The following SERPINE2 variants were observed in gnomAD, a reference collection of about 807,000 sequenced individuals.
SERPINE2 encodes the protein serpin family E member 2.
In SERPINE2, 14 loss-of-function variants were observed where a neutral mutation model predicts 36.3. That is an observed-to-expected ratio of 0.39 (90% confidence interval 0.25 to 0.60). The LOEUF (loss-of-function observed/expected upper bound fraction) is 0.60, where lower values mean the gene tolerates loss of function less well. Among genes scored for constraint, SERPINE2 ranks in the 20% least tolerant of loss-of-function variants. The pLI is 0.57. For missense variants in SERPINE2, 418 were observed against 499.6 expected (o/e 0.84, Z 1.56); for synonymous variants, 192 against 191.8 (o/e 1.00, Z -0.01).
At position 223,991,810 on chromosome 2, in the gene SERPINE2, GAA is replaced by G; in HGVS notation, c.676_677del (p.Phe226ProfsTer10). On this transcript the variant is annotated frameshift_variant, in exon 4 of 9. Coordinates refer to ENST00000409304, the MANE Select transcript of SERPINE2 (RefSeq NM_001136528.2). LOFTEE classifies it high-confidence loss of function. ...CGCTGAGCATGAACTCACCACACCG[GAA>G]CACGGAGAGCTGGGCCAGCATTGGC... ...QVPMLAQLSV[F>X]RCGSTSAPND... 1.2e-6 allele frequency: 2 copies of G among 1,613,790 alleles called. No homozygotes were observed. Among genetic ancestry groups the G allele is most frequent in the Non-Finnish European group, 1.7e-6 (2 of 1,180,014 alleles).
At chr2:224,022,158 C>CAAAAAAAA (rs71058977) in intron 1 of SERPINE2, among the ~76,000 whole-genome samples, 1 of 72,600 alleles carries the variant, frequency 1.4e-5, no homozygotes, top group Non-Finnish European at 2.5e-5. Flanking sequence ...GACTCCTTCT[C>CAAAAAAAA]AAAAAAAAAA....
intron 1 of SERPINE2, chr2:224,038,690 C>T (rs1045921693): frequency 7.8e-6 from 5 of 643,914 alleles, no homozygotes; most frequent in Admixed American, 7.2e-5. Flanking sequence ...CAGCCTAAGT[C>T]CGGGGTAGGG....
chr2:223,998,532 A>T (rs1048221885), intron 2 of SERPINE2, among the ~76,000 whole-genome samples, 190 bp from the exon 3 acceptor site: 5 of 152,152 alleles, frequency 3.3e-5, no homozygotes, highest in African/African-American at 1.2e-4. Context: ...AACCTGGGTA[A>T]TATGACAAAA....
At chr2:224,011,495 C>T (rs1691622093) in intron 1 of SERPINE2, among the ~76,000 whole-genome samples, 1 of 152,084 alleles carries the variant, frequency 6.6e-6, no homozygotes, top group South Asian at 2.1e-4. Flanking sequence ...TATTATTTAT[C>T]AATCTATAAT....
intron 1 of SERPINE2, chr2:224,030,018 T>C (rs1692307753): frequency 1.0e-6 from 1 of 981,742 alleles, no homozygotes; most frequent in Middle Eastern, 5.3e-4. Flanking sequence ...TAGACATTTA[T>C]TCGTTATTCA....
intron 1 of SERPINE2, among the ~76,000 whole-genome samples, chr2:224,024,270 A>G (rs1251896032): frequency 1.3e-5 from 2 of 152,268 alleles, no homozygotes; most frequent in East Asian, 1.9e-4. Context: ...TCTCAAAAAA[A>G]TTTTGTAAAA....
rs184938817 is a variant in SERPINE2, at chr2:224,018,208, C to A, written c.-22-16286G>T. On this transcript the variant is annotated intron_variant, in intron 1 of 8. Coordinates refer to ENST00000409304, the MANE Select transcript of SERPINE2 (RefSeq NM_001136528.2). ...TGAGGAAATGGGCGTCAGGCTCTGG[C>A]GATTTTCCTTGTGTTCTTTCCAAGG... Among the ~76,000 whole-genome samples the A allele has an allele frequency of 2.6e-5, 4 of 152,236 alleles. No individual in the cohort carries two copies. In the East Asian group the frequency reaches 7.7e-4, roughly 29 times the overall value.
At chr2:223,993,989 G>T (rs1407923552) in intron 3 of SERPINE2, among the ~76,000 whole-genome samples, 3 of 152,168 alleles carry the variant, frequency 2.0e-5, no homozygotes, top group African/African-American at 7.2e-5. Context: ...AGTGAATGTT[G>T]TTTCTTGCCT....
At chr2:224,018,258 T>A (rs1449446650) in intron 1 of SERPINE2, among the ~76,000 whole-genome samples, 2 of 152,202 alleles carry the variant, frequency 1.3e-5, no homozygotes, top group Non-Finnish European at 2.9e-5. Flanking sequence ...AATAAGGAAG[T>A]GTTTTCCTAC....
At chr2:223,996,361 C>T (rs955496954) in intron 3 of SERPINE2, among the ~76,000 whole-genome samples, 2 of 152,190 alleles carry the variant, frequency 1.3e-5, no homozygotes, top group Non-Finnish European at 2.9e-5. Flanking sequence ...ACTGAACACC[C>T]TCATGTGTGC....
chr2:224,035,208 AG>A (rs1692493339), intron 1 of SERPINE2, among the ~76,000 whole-genome samples: 1 of 152,132 alleles, frequency 6.6e-6, no homozygotes, highest in Admixed American at 6.5e-5. Flanking sequence ...GTCTCAGCCT[AG>A]GGTCTCTAGC....
At position 223,975,800 on chromosome 2, in the gene SERPINE2, T is replaced by G. The variant is rs112822550; in HGVS notation, c.*67A>C. 3.0e-5 allele frequency: 39 copies of G among 1,279,816 alleles called. 1 individual carries two copies. In the African/African-American group the frequency reaches 4.3e-4, roughly 14 times the overall value. 79.3% of individuals were successfully genotyped at this position (1,279,816 alleles called of 1,614,324 possible). ...AAATATTTAACAGAACTATGAAAGA[T>G]GCAGGAAAGGAGTCTTTCTTCGTAG... On this transcript the variant is annotated 3_prime_UTR_variant, in exon 9 of 9. Transcript: ENST00000409304.
intron 1 of SERPINE2, among the ~76,000 whole-genome samples, chr2:224,025,914 C>T (rs1427773095): frequency 6.6e-6 from 1 of 152,226 alleles, no homozygotes; most frequent in African/African-American, 2.4e-5. Context: ...TGACAGAGGG[C>T]AGCTAGCTCT....
intron 4 of SERPINE2, among the ~76,000 whole-genome samples, chr2:223,987,424 T>C (rs576805829): frequency 2.0e-5 from 3 of 152,324 alleles, no homozygotes; most frequent in African/African-American, 7.2e-5. Context: ...GGGAGCCTTG[T>C]GTCAGAGCAT....
intron 1 of SERPINE2, chr2:224,031,101 G>A (rs1453840878): frequency 3.0e-6 from 3 of 985,260 alleles, no homozygotes; most frequent in African/African-American, 1.7e-5. Flanking sequence ...TTCTCAAGAA[G>A]GTATAAACAT....
intron 7 of SERPINE2, chr2:223,979,261 C>T (rs1690130064): frequency 6.6e-6 from 1 of 152,074 alleles, no homozygotes; most frequent in African/African-American, 2.4e-5. Context: ...GGCACAGGAC[C>T]CCACAAACTA....
At chr2:223,989,433 G>A (rs1490305161) in intron 4 of SERPINE2, among the ~76,000 whole-genome samples, 8 of 152,184 alleles carry the variant, frequency 5.3e-5, no homozygotes, top group Admixed American at 2.6e-4. Context: ...ACAGCAGCTC[G>A]AGCTGGGCCA....
At chr2:223,980,590 G>A in intron 6 of SERPINE2, 193 bp from the exon 7 acceptor site, 5 of 560,928 alleles carry the variant, frequency 8.9e-6, no homozygotes, top group South Asian at 8.0e-5. Flanking sequence ...CCTGCTAAGT[G>A]AACTGTGATA....
At chr2:224,036,003 G>A (rs1353737637) in intron 1 of SERPINE2, among the ~76,000 whole-genome samples, 1 of 151,990 alleles carries the variant, frequency 6.6e-6, no homozygotes, top group Non-Finnish European at 1.5e-5. Context: ...AAAAAAAAAC[G>A]GACAAATCTT....
Sources: gnomAD v4.1 joint callset for allele counts (sites outside exome capture counted in the v4.1 genomes callset) on GRCh38, gnomAD v4.1.1 for gene constraint, MANE v1.5 for transcripts, NCBI Gene and HGNC (gene_info 2026-07-23, HGNC 2026-07-21) for gene names.